Variants in KCNK15 observed in about 807,000 individuals in gnomAD.
KCNK15 encodes potassium two pore domain channel subfamily K member 15.
A neutral mutation model predicts 8.5 loss-of-function variants in KCNK15; 9 were observed. The observed-to-expected ratio is 1.06, with a 90% CI of 0.64 to 1.85. The LOEUF is 1.85. Among genes scored for constraint, KCNK15 ranks in the 40% most tolerant of loss-of-function variants. The pLI is 0.00. For missense variants in KCNK15, 467 were observed against 476.8 expected (o/e 0.98, Z 0.19); for synonymous variants, 224 against 232.7 (o/e 0.96, Z 0.34).
rs775471443 is a variant in KCNK15 at position 44,750,623 on chromosome 20, AC to A, written c.783del (p.Ser262AlafsTer103). ...SADWPERAAR[T>X]PSPRPPGAPE... ...CGACTGGCCCGAGCGCGCTGCCCGC[AC>A]CCCCAGCCCGCGCCCCCCGGGGGCG... On this transcript the variant is annotated frameshift_variant, in exon 2 of 2. Coordinates refer to ENST00000372861, the MANE Select transcript of KCNK15 (RefSeq NM_022358.4). LOFTEE classifies it low-confidence loss of function (END_TRUNC). The A allele has an allele frequency of 1.4e-5, 22 of 1,589,252 alleles. No individual in the cohort carries two copies. The South Asian group carries it at 2.3e-4, about 17-fold the overall frequency.
Position 44,746,057 on chromosome 20 carries a change from G to A in KCNK15, c.147G>A (p.Arg49=), listed in dbSNP as rs2066005289. 2.6e-6 allele frequency: 4 copies of A among 1,552,774 alleles called. No homozygotes were observed. The highest frequency in any genetic ancestry group is 3.5e-6 in the Non-Finnish European group (4 of 1,148,496). The change falls in exon 1 of 2, where the codon CGG becomes CGA. Residue 49 remains arginine (R), a synonymous_variant. Transcript: ENST00000372861. ...TGGTCCAGAAGCGGGGCGCTCTCCG[G>A]AGGAAGTTCGGCTTCTCGGCCGAGG... The part of the protein sequence containing the change: ...RLLVQKRGAL[R]RKFGFSAEDY...
intron 1 of KCNK15, among the ~76,000 whole-genome samples, chr20:44,748,200 C>A (rs1263032622): frequency 1.3e-5 from 2 of 152,106 alleles, no homozygotes; most frequent in East Asian, 1.9e-4. Context: ...CTCACCAGCA[C>A]CCCCTTCAGC....
At position 44,746,023 on chromosome 20, in the gene KCNK15, A is replaced by T; in HGVS notation, c.113A>T (p.Gln38Leu). The T allele has an allele frequency of 2.6e-6, 4 of 1,535,232 alleles. No individual in the cohort carries two copies. The highest frequency in any genetic ancestry group is 3.5e-6 in the Non-Finnish European group (4 of 1,141,110). Residue 38 changes from glutamine (Q) to leucine (L), a missense_variant, in exon 1 of 2, where the codon CAG becomes CTG. Physicochemically the swap from Gln to Leu is moderately radical, Grantham distance 113. Around this residue, in one of 2 missense-constraint regions of KCNK15, gnomAD observed 455 missense variants for 441.2 expected, o/e 1.03. Transcript: ENST00000372861. ...GAGTCCGAGGCGGAAAGCGGCCGCC[A>T]GCGACTGCTGGTCCAGAAGCGGGGC... ...ALESEAESGRQRLLVQKRGAL... is the reference protein window; with the variant it reads ...ALESEAESGRLRLLVQKRGAL...
intron 1 of KCNK15, among the ~76,000 whole-genome samples, chr20:44,746,477 GGCTTGGA>G (rs1166484627): frequency 6.6e-6 from 1 of 152,168 alleles, no homozygotes; most frequent in Admixed American, 6.5e-5. Flanking sequence ...ACGTCCAAGG[GGCTTGGA>G]GATAGGTGAA....
At position 44,751,424 on chromosome 20, in the gene KCNK15, T is replaced by C. The variant is rs1464463708; in HGVS notation, c.*586T>C. On this transcript the variant is annotated 3_prime_UTR_variant, in exon 2 of 2. Coordinates refer to ENST00000372861, the MANE Select transcript of KCNK15 (RefSeq NM_022358.4). Reference sequence around the variant, plus strand: ...TGGCCTCTTTCCCCCAGACAGCTGATGCTCTTTGTCCCTGGCCAGCCCCAC... The same window carrying C: ...TGGCCTCTTTCCCCCAGACAGCTGACGCTCTTTGTCCCTGGCCAGCCCCAC... 1.3e-5 allele frequency: 2 copies of C among 152,310 alleles called. No homozygotes were observed. Among genetic ancestry groups the C allele is most frequent in the African/African-American group, 2.4e-5 (1 of 41,456 alleles). The allele number at this position is 152,310 out of a possible 1,614,324, so 9.4% of individuals were successfully genotyped here.
Position 44,749,628 on chromosome 20 carries a change from G to A in KCNK15, c.284-501G>A, listed in dbSNP as rs531943540. ...CACTCCTGACAGATGAACACCTGCC[G>A]CGTAACTGCAGCCACGGTCAAGACG... On this transcript the variant is annotated intron_variant, in intron 1 of 1. Transcript: ENST00000372861. Among the ~76,000 whole-genome samples the A allele has an allele frequency of 2.9e-4, 44 of 152,146 alleles. 1 individual carries two copies. In the Middle Eastern group the frequency reaches 0.01, roughly 35 times the overall value.
Position 44,750,685 on chromosome 20 carries a change from G to A in KCNK15, c.840G>A (p.Pro280=), listed in dbSNP as rs1030592673. 6.7e-7 allele frequency: 1 copy of A among 1,488,948 alleles called. No individual in the cohort carries two copies. Among genetic ancestry groups the A allele is most frequent in the Non-Finnish European group, 8.9e-7 (1 of 1,126,786 alleles). 92.2% of individuals were successfully genotyped at this position (1,488,948 alleles called of 1,614,324 possible). ...GTGGCCTCTGGCTGCCCCGCCGCCC[G>A]GCCCGCTCCGTGGGCTCCGCCTCTG... ...ESRGLWLPRR[P]ARSVGSASVF... is the part of the protein sequence containing the mutation. Residue 280 remains proline (P), a synonymous_variant, in exon 2 of 2, where the codon CCG becomes CCA. Transcript: ENST00000372861.
In KCNK15 at chr20:44,746,162, C is replaced by A. The variant is rs1396092020; in HGVS notation, c.252C>A (p.Phe84Leu). The change falls in exon 1 of 2, where the codon TTC becomes TTA. Residue 84 changes from phenylalanine (F) to leucine (L), a missense_variant. Transcript: ENST00000372861. ...AGRQWKFPGS[F>L]YFAITVITTI... ...GCCAGTGGAAGTTCCCCGGCTCCTTCTACTTCGCCATCACCGTCATCACTA... is the reference window on the plus strand; with the variant it reads ...GCCAGTGGAAGTTCCCCGGCTCCTTATACTTCGCCATCACCGTCATCACTA... 1.3e-5 allele frequency: 18 copies of A among 1,419,212 alleles called. No homozygotes were observed. The highest frequency in any genetic ancestry group is 1.7e-5 in the Non-Finnish European group (18 of 1,080,140). The allele number at this position is 1,419,212 out of a possible 1,614,324, so 87.9% of individuals were successfully genotyped here. A position where few individuals can be genotyped will look rare whatever the true frequency, so the allele number is the denominator to read the frequency against.
At position 44,750,744 on chromosome 20, in the gene KCNK15, C is replaced by G. The variant is rs1294825571; in HGVS notation, c.899C>G (p.Ala300Gly). 6.6e-7 allele frequency: 1 copy of G among 1,518,610 alleles called. No individual in the cohort carries two copies. The highest frequency in any genetic ancestry group is 8.8e-7 in the Non-Finnish European group (1 of 1,139,272). The allele number at this position is 1,518,610 out of a possible 1,614,324, so 94.1% of individuals were successfully genotyped here. Residue 300 changes from alanine (A) to glycine (G), a missense_variant, in exon 2 of 2, where the codon GCC becomes GGC. Transcript: ENST00000372861. ...FCHVHKLERC[A>G]RDNLGFSPPS... ...CACGTGCACAAGCTGGAGAGGTGCG[C>G]CCGCGACAACCTGGGCTTTTCGCCC...
chr20:44,750,438 C>T lies in KCNK15; in HGVS notation c.593C>T (p.Thr198Ile). ...TACTACTACTGCTTCATCACCCTCACCACCATCGGCTTCGGCGACTTCGTG... is the reference window on the plus strand; with the variant it reads ...TACTACTACTGCTTCATCACCCTCATCACCATCGGCTTCGGCGACTTCGTG... ...HAYYYCFITL[T>I]TIGFGDFVAL... Residue 198 changes from threonine to isoleucine, a missense_variant, in exon 2 of 2, where the codon ACC becomes ATC. Physicochemically the swap from Thr to Ile is moderately conservative, Grantham distance 89. Coordinates refer to ENST00000372861, the MANE Select transcript of KCNK15 (RefSeq NM_022358.4). 1 of 1,614,060 alleles carries T rather than the reference C, an allele frequency of 6.2e-7. No individual in the cohort carries two copies. The highest frequency in any genetic ancestry group is 8.5e-7 in the Non-Finnish European group (1 of 1,179,930).
intron 1 of KCNK15, among the ~76,000 whole-genome samples, chr20:44,748,811 C>A (rs1298696067): frequency 1.3e-5 from 2 of 152,174 alleles, no homozygotes; most frequent in Non-Finnish European, 2.9e-5. Context: ...AGATGTTTAG[C>A]AGTGTCCCTG....
At position 44,752,217 on chromosome 20, in the gene KCNK15, G is replaced by A. The variant is rs2066036426; in HGVS notation, c.*1379G>A. ...CTGCTCCAGATGTGGGGCCCTCCCA[G>A]AGGGCCTCGGAGACACCATAGGGGA... On this transcript the variant is annotated 3_prime_UTR_variant, in exon 2 of 2. Coordinates refer to ENST00000372861, the MANE Select transcript of KCNK15 (RefSeq NM_022358.4). The A allele has an allele frequency of 6.6e-6, 1 of 152,286 alleles. No individual in the cohort carries two copies. The highest frequency in any genetic ancestry group is 6.5e-5 in the Admixed American group (1 of 15,290). The allele number at this position is 152,286 out of a possible 1,614,324, so 9.4% of individuals were successfully genotyped here.
In KCNK15 at chr20:44,751,008, A is replaced by G. The variant is rs896141639; in HGVS notation, c.*170A>G. ...AGTCCCCTCCCTCCTTTCCAAAAAT[A>G]TATTACAGTCACACCATAAGCACAA... On this transcript the variant is annotated 3_prime_UTR_variant, in exon 2 of 2. Transcript: ENST00000372861. 2 of 474,412 alleles carry G rather than the reference A, an allele frequency of 4.2e-6. No individual in the cohort carries two copies. Among genetic ancestry groups the G allele is most frequent in the Non-Finnish European group, 7.2e-6 (2 of 278,482 alleles). The allele number at this position is 474,412 out of a possible 1,614,324, so 29.4% of individuals were successfully genotyped here.
Position 44,750,898 on chromosome 20 carries a change from G to C in KCNK15, c.*60G>C. The stretch of plus-strand genomic sequence containing the variant: ...GGAGGGTCTGGCTTCAGCTATCAGG[G>C]CACCCTCCCCAGGGATTGGAAACGG... On this transcript the variant is annotated 3_prime_UTR_variant, in exon 2 of 2. Coordinates refer to ENST00000372861, the MANE Select transcript of KCNK15 (RefSeq NM_022358.4). 1.7e-6 allele frequency: 2 copies of C among 1,166,978 alleles called. No homozygotes were observed. Among genetic ancestry groups the C allele is most frequent in the South Asian group, 4.5e-5 (2 of 44,744 alleles). The allele number at this position is 1,166,978 out of a possible 1,614,324, so 72.3% of individuals were successfully genotyped here.
intron 1 of KCNK15, chr20:44,746,753 A>T (rs1019166215): frequency 4.6e-5 from 7 of 152,238 alleles, no homozygotes; most frequent in African/African-American, 1.7e-4. Flanking sequence ...TTATTATTGC[A>T]ATTGTTATTG....
chr20:44,750,303 G>A lies in KCNK15; in HGVS notation c.458G>A (p.Cys153Tyr). Reference sequence around the variant, plus strand: ...TGCTGCCTGGGCCTGCGGTGGACGTGCGTGTCCACGGAGAACCTGGTGGTG... The same window carrying A: ...TGCTGCCTGGGCCTGCGGTGGACGTACGTGTCCACGGAGAACCTGGTGGTG... ...AKCCLGLRWT[C>Y]VSTENLVVAG... Residue 153 changes from cysteine to tyrosine, a missense_variant, in exon 2 of 2, where the codon TGC becomes TAC. This residue lies in a region of KCNK15 where 455 missense variants were observed against 441.2 expected (regional missense o/e 1.03). Transcript: ENST00000372861. The A allele has an allele frequency of 1.2e-6, 2 of 1,607,210 alleles. 1 individual carries two copies. The highest frequency in any genetic ancestry group is 2.2e-5 in the South Asian group (2 of 90,472).
intron 1 of KCNK15, 29 bp from the exon 2 acceptor site, chr20:44,750,100 C>A: frequency 6.4e-7 from 1 of 1,561,610 alleles, no homozygotes; most frequent in Non-Finnish European, 8.7e-7. Flanking sequence ...TGGGCGCTCA[C>A]AGCCCTCCCC....
At position 44,750,591 on chromosome 20, in the gene KCNK15, C is replaced by G. The variant is rs1379220867; in HGVS notation, c.746C>G (p.Ala249Gly). 1 of 1,607,324 alleles carries G rather than the reference C, an allele frequency of 6.2e-7. No individual in the cohort carries two copies. The highest frequency in any genetic ancestry group is 2.2e-5 in the East Asian group (1 of 44,846). ...CTGGTGGTCCTGCGCTTCCTCGTTG[C>G]CAGCGCCGACTGGCCCGAGCGCGCT... The part of the protein sequence containing the change: ...LNLVVLRFLV[A>G]SADWPERAAR... Residue 249 changes from alanine to glycine, a missense_variant, in exon 2 of 2, where the codon GCC (alanine) becomes GGC (glycine). Coordinates refer to ENST00000372861, the MANE Select transcript of KCNK15 (RefSeq NM_022358.4).
chr20:44,747,076 C>G (rs949744209), intron 1 of KCNK15: 1 of 152,246 alleles, frequency 6.6e-6, no homozygotes, highest in African/African-American at 2.4e-5. Flanking sequence ...CCGGCACCCC[C>G]CCTGGGGCTT....
Sources: allele counts gnomAD v4.1 joint callset (sites outside exome capture counted in the v4.1 genomes callset), GRCh38; gene constraint gnomAD v4.1.1; regional missense constraint gnomAD v4.1.1; transcripts MANE v1.5; gene names NCBI Gene and HGNC (gene_info 2026-07-23, HGNC 2026-07-21).